The following SFI1 variants were observed in gnomAD, a reference collection of about 807,000 sequenced individuals.
SFI1 encodes SFI1 centrin binding protein, also known as protein SFI1 homolog.
Under a neutral mutation model 207.5 loss-of-function variants are expected in SFI1, and 195 were observed. That is an observed-to-expected ratio of 0.94 (90% CI 0.84 to 1.06). SFI1 has a LOEUF of 1.06. SFI1 is among the 50% of genes least tolerant of loss of function. The pLI is 0.00. For synonymous variants in SFI1, 630 were observed against 598.9 expected (o/e 1.05, Z -0.76); for missense variants, 1,634 against 1,588.0 (o/e 1.03, Z -0.49).
intron 2 of SFI1, among the ~76,000 whole-genome samples, chr22:31,508,593 T>C (rs2055016880): frequency 6.6e-6 from 1 of 152,206 alleles, no homozygotes; most frequent in Non-Finnish European, 1.5e-5. Context: ...CATGGAAATA[T>C]CAATCATTAA....
rs768943292 is a variant in SFI1 at position 31,573,252 on chromosome 22, TG to T, written c.922+40del. 12 of 1,605,234 alleles carry T rather than the reference TG, an allele frequency of 7.5e-6. No individual in the cohort carries two copies. The South Asian group carries it at 1.2e-4, about 16-fold the overall frequency. ...CTCCAGGCTCTCGAGATAGAGGATCTGGTCACAGTTTCACTCTCCTGCTGCC... is the reference window on the plus strand; with the variant it reads ...CTCCAGGCTCTCGAGATAGAGGATCTGTCACAGTTTCACTCTCCTGCTGCC... On this transcript the variant is annotated intron_variant, in intron 9 of 32. Coordinates refer to ENST00000400288, the MANE Select transcript of SFI1 (RefSeq NM_001007467.3).
intron 2 of SFI1, among the ~76,000 whole-genome samples, chr22:31,524,901 T>C (rs1218848601): frequency 6.6e-6 from 1 of 151,982 alleles, no homozygotes; most frequent in African/African-American, 2.4e-5. Flanking sequence ...TTCAAGCGAT[T>C]CTCCTGCCTC....
At chr22:31,505,254 C>T (rs990254835) in intron 1 of SFI1, among the ~76,000 whole-genome samples, 8 of 151,378 alleles carry the variant, frequency 5.3e-5, no homozygotes, top group African/African-American at 1.9e-4. Flanking sequence ...GCCTGGCCAA[C>T]ATGGGGAAAC....
chr22:31,606,111 C>A, intron 20 of SFI1: 2 of 550,728 alleles, frequency 3.6e-6, no homozygotes, highest in South Asian at 4.4e-5. Flanking sequence ...AGTGCTGGGT[C>A]CCTCATGCAC....
chr22:31,525,587 T>C (rs904393237), intron 2 of SFI1, among the ~76,000 whole-genome samples: 2 of 152,084 alleles, frequency 1.3e-5, no homozygotes, highest in Non-Finnish European at 2.9e-5. Flanking sequence ...GGTGGTAGCA[T>C]GTACTTGTAG....
At chr22:31,565,671 G>A (rs1000662381) in intron 8 of SFI1, among the ~76,000 whole-genome samples, 2 of 152,124 alleles carry the variant, frequency 1.3e-5, no homozygotes, top group Non-Finnish European at 2.9e-5. Context: ...CTGCACTCCA[G>A]CTTGGGCAAC....
intron 4 of SFI1, among the ~76,000 whole-genome samples, chr22:31,537,282 C>A (rs1048504175): frequency 6.6e-6 from 1 of 152,124 alleles, no homozygotes; most frequent in Non-Finnish European, 1.5e-5. Flanking sequence ...AAGAAAACTT[C>A]CCTGGAAGTT....
At chr22:31,606,169 A>G (rs1165344665) in intron 20 of SFI1, 159 bp from the exon 21 acceptor site, 2 of 663,906 alleles carry the variant, frequency 3.0e-6, no homozygotes, top group Non-Finnish European at 5.2e-6. Context: ...TTTGTTGGAC[A>G]TAGATGTGCA....
At chr22:31,606,525 C>T (rs1013294437) in intron 21 of SFI1, 95 bp downstream of exon 21, 1 of 940,274 alleles carries the variant, frequency 1.1e-6, no homozygotes, top group Non-Finnish European at 1.7e-6. Flanking sequence ...GAGATTTGAA[C>T]TGAATAAGGA....
chr22:31,612,163 G>T, intron 24 of SFI1: 1 of 736,902 alleles, frequency 1.4e-6, no homozygotes, highest in South Asian at 4.4e-5. Context: ...CGGATCATGA[G>T]GTCAGGAGAT....
intron 7 of SFI1, among the ~76,000 whole-genome samples, chr22:31,561,038 C>G (rs1276975314): frequency 6.6e-6 from 1 of 152,134 alleles, no homozygotes; most frequent in African/African-American, 2.4e-5. Flanking sequence ...CTGTGTAGGT[C>G]AAACAGAGCA....
intron 4 of SFI1, among the ~76,000 whole-genome samples, 190 bp from the exon 5 acceptor site, chr22:31,546,671 G>T (rs1043712740): frequency 8.3e-6 from 1 of 120,288 alleles, no homozygotes. Flanking sequence ...GTTTCACCAT[G>T]TTAGCCAGGA....
In SFI1 at chr22:31,618,268, C is replaced by CG. The variant is rs769060119; in HGVS notation, c.3625-43dup. On this transcript the variant is annotated intron_variant, in intron 32 of 32. Transcript: ENST00000400288. ...TCCCCAGGTGTCCCTGGGGACGCCC[C>CG]GGGCTGTGCTCCCTCTCAGCCCTGC... 5 of 1,601,536 alleles carry CG rather than the reference C, an allele frequency of 3.1e-6. No homozygotes were observed. The South Asian group carries it at 4.5e-5, about 14-fold the overall frequency.
Position 31,603,971 on chromosome 22 carries a change from A to G in SFI1, c.1881+152A>G, listed in dbSNP as rs2068538378. Reference sequence around the variant, plus strand: ...GCATAGAAAGTGTTAACTCAGTTTTATGAGCTGATTTGGCTCAAAATTTTG... The same window carrying G: ...GCATAGAAAGTGTTAACTCAGTTTTGTGAGCTGATTTGGCTCAAAATTTTG... On this transcript the variant is annotated intron_variant, in intron 18 of 32. Coordinates refer to ENST00000400288, the MANE Select transcript of SFI1 (RefSeq NM_001007467.3). The G allele has an allele frequency of 3.7e-6, 3 of 809,484 alleles. No homozygotes were observed. In the South Asian group the frequency reaches 5.0e-5, roughly 14 times the overall value. 50.1% of individuals were successfully genotyped at this position (809,484 alleles called of 1,614,324 possible).
chr22:31,535,097 C>T (rs943428598), intron 4 of SFI1, among the ~76,000 whole-genome samples: 2 of 151,874 alleles, frequency 1.3e-5, no homozygotes, highest in African/African-American at 4.8e-5. Flanking sequence ...GAACTCCTGA[C>T]CTCAGGTGAT....
intron 1 of SFI1, among the ~76,000 whole-genome samples, chr22:31,505,515 G>A (rs1277448779): frequency 6.6e-6 from 1 of 152,090 alleles, no homozygotes; most frequent in Non-Finnish European, 1.5e-5. Context: ...CAGCTACTTG[G>A]GAGGCCGAGA....
At chr22:31,526,330 G>A (rs1439283908) in intron 2 of SFI1, among the ~76,000 whole-genome samples, 1 of 152,112 alleles carries the variant, frequency 6.6e-6, no homozygotes, top group Non-Finnish European at 1.5e-5. Flanking sequence ...AAGCAAACAC[G>A]TCCTTTTTCA....
intron 6 of SFI1, among the ~76,000 whole-genome samples, chr22:31,555,436 G>C (rs1311049857): frequency 3.3e-5 from 5 of 152,134 alleles, no homozygotes; most frequent in Admixed American, 2.0e-4. Flanking sequence ...CATTCCCCTA[G>C]ACCTCAGGGA....
intron 1 of SFI1, among the ~76,000 whole-genome samples, chr22:31,501,483 TA>T (rs551090027): frequency 2.3e-3 from 351 of 152,270 alleles, no homozygotes; most frequent in South Asian, 2.9e-3. Context: ...ATAACTTTTA[TA>T]TGAACTGGGA....
Sources: gnomAD v4.1 joint callset for allele counts (sites outside exome capture counted in the v4.1 genomes callset) on GRCh38, gnomAD v4.1.1 for gene constraint, MANE v1.5 for transcripts, NCBI Gene and HGNC (gene_info 2026-07-23, HGNC 2026-07-21) for gene names.